ERC2: variants seen among roughly 807,000 people sequenced by gnomAD.
ERC2 encodes the protein ELKS/RAB6-interacting/CAST family member 2.
Under a neutral mutation model 114.8 loss-of-function variants are expected in ERC2, and 42 were observed. That is an observed-to-expected ratio of 0.37 (90% CI 0.29 to 0.47). ERC2 has a LOEUF of 0.47. ERC2 is among the 20% of genes least tolerant of loss of function. The pLI is 0.99. For missense variants in ERC2, 939 were observed against 1,150.7 expected (o/e 0.82, Z 2.66); for synonymous variants, 454 against 425.5 (o/e 1.07, Z -0.82).
chr3:56,167,979 C>A (rs1255620533), intron 4 of ERC2, among the ~76,000 whole-genome samples: 1 of 152,136 alleles, frequency 6.6e-6, no homozygotes, highest in Non-Finnish European at 1.5e-5. Context: ...CTGCCTCTAC[C>A]CATTCTAGGA....
At chr3:56,159,186 T>C (rs1564906) in intron 4 of ERC2, among the ~76,000 whole-genome samples, 139,143 of 152,178 alleles carry the variant, frequency 0.91, 64,064 homozygotes, top group East Asian at 1. Flanking sequence ...TGAGGCCTCC[T>C]CAGAAGCCAA....
chr3:56,153,124 T>C (rs2081515604), intron 4 of ERC2, among the ~76,000 whole-genome samples: 1 of 152,174 alleles, frequency 6.6e-6, no homozygotes, highest in South Asian at 2.1e-4. Flanking sequence ...TGCTATAGAT[T>C]AATAGTAAAC....
chr3:56,169,902 T>C (rs1322048533), intron 4 of ERC2, among the ~76,000 whole-genome samples: 1 of 149,938 alleles, frequency 6.7e-6, no homozygotes, highest in African/African-American at 2.4e-5. Context: ...ATAATAAAAA[T>C]AAGTTACACA....
At chr3:55,524,576 C>G (rs1236770004) in intron 17 of ERC2, among the ~76,000 whole-genome samples, 1 of 148,816 alleles carries the variant, frequency 6.7e-6, no homozygotes, top group Non-Finnish European at 1.5e-5. Flanking sequence ...AGGTACAAAC[C>G]TGGACAGGAA....
chr3:56,047,815 G>C (rs769398336), intron 7 of ERC2, among the ~76,000 whole-genome samples: 5 of 152,112 alleles, frequency 3.3e-5, no homozygotes, highest in Non-Finnish European at 5.9e-5. Flanking sequence ...CTGGCAAGAG[G>C]GGCCACTTGC....
chr3:56,192,094 A>G (rs1429538519), intron 3 of ERC2, among the ~76,000 whole-genome samples: 1 of 152,180 alleles, frequency 6.6e-6, no homozygotes, highest in East Asian at 1.9e-4. Context: ...AAATAACACA[A>G]TTCAGATTCA....
chr3:55,950,304 T>G (rs2067409482), intron 13 of ERC2, 121 bp downstream of exon 13: 1 of 1,262,834 alleles, frequency 7.9e-7, no homozygotes, highest in Non-Finnish European at 1.1e-6. Context: ...CTGTTAGTGC[T>G]AGACTCAGGG....
At chr3:56,306,886 C>A (rs2056259210) in intron 2 of ERC2, among the ~76,000 whole-genome samples, 1 of 152,168 alleles carries the variant, frequency 6.6e-6, no homozygotes, top group Non-Finnish European at 1.5e-5. Flanking sequence ...AACAGGGATG[C>A]AAGACCTACC....
chr3:55,588,657 C>A (rs764635353), intron 17 of ERC2, among the ~76,000 whole-genome samples: 1 of 152,094 alleles, frequency 6.6e-6, no homozygotes, highest in Non-Finnish European at 1.5e-5. Context: ...TGAGTGTGAT[C>A]GAAGAAAACT....
In ERC2 at chr3:55,909,234, C is replaced by T. The variant is rs574591301; in HGVS notation, c.2404-20685G>A. On this transcript the variant is annotated intron_variant, in intron 13 of 17. Coordinates refer to ENST00000288221, the MANE Select transcript of ERC2 (RefSeq NM_015576.3). Reference sequence around the variant, plus strand: ...CGGTGCTGCACTTCTTTCACAATGGCGTCTGAAATTATGTGTTGGTATAAC... The same window carrying T: ...CGGTGCTGCACTTCTTTCACAATGGTGTCTGAAATTATGTGTTGGTATAAC... Among the ~76,000 whole-genome samples, 12 of 152,280 alleles carry T rather than the reference C, an allele frequency of 7.9e-5. No individual in the cohort carries two copies. In the South Asian group the frequency reaches 1.0e-3, roughly 13 times the overall value.
chr3:55,835,020 G>A (rs1178750438), intron 14 of ERC2, among the ~76,000 whole-genome samples: 2 of 151,298 alleles, frequency 1.3e-5, no homozygotes, highest in East Asian at 1.9e-4. Flanking sequence ...TAAATTCCTC[G>A]ACACATACAC....
intron 10 of ERC2, among the ~76,000 whole-genome samples, chr3:55,997,345 C>T (rs1196275336): frequency 6.6e-6 from 1 of 151,874 alleles, no homozygotes; most frequent in African/African-American, 2.4e-5. Context: ...CTTTAATATT[C>T]CTTTCATATC....
At chr3:56,348,541 T>C (rs2058397369) in intron 2 of ERC2, among the ~76,000 whole-genome samples, 1 of 148,802 alleles carries the variant, frequency 6.7e-6, no homozygotes, top group Non-Finnish European at 1.5e-5. Flanking sequence ...TAATATTTAA[T>C]AATTATGTAT....
intron 10 of ERC2, among the ~76,000 whole-genome samples, chr3:55,997,056 A>T (rs2071572628): frequency 1.3e-5 from 2 of 152,228 alleles, no homozygotes; most frequent in Non-Finnish European, 1.5e-5. Context: ...TTTGGTCCAG[A>T]AACCTGCTGT....
chr3:56,067,061 T>A (rs1441278229), intron 7 of ERC2, among the ~76,000 whole-genome samples: 1 of 152,182 alleles, frequency 6.6e-6, no homozygotes, highest in African/African-American at 2.4e-5. Context: ...TCCAGATGAA[T>A]TTTAAAGTAT....
At chr3:55,790,993 C>T (rs910142091) in intron 14 of ERC2, among the ~76,000 whole-genome samples, 1 of 152,216 alleles carries the variant, frequency 6.6e-6, no homozygotes, top group Non-Finnish European at 1.5e-5. Context: ...GGTAACCCAC[C>T]TGGGCCTCAG....
intron 6 of ERC2, among the ~76,000 whole-genome samples, chr3:56,095,569 G>A (rs547803099): frequency 6.6e-6 from 1 of 152,272 alleles, no homozygotes; most frequent in African/African-American, 2.4e-5. Flanking sequence ...AATGAAAAGA[G>A]TTTATTAAAT....
chr3:56,429,682 C>T (rs754808748), intron 2 of ERC2, among the ~76,000 whole-genome samples: 6 of 152,144 alleles, frequency 3.9e-5, no homozygotes, highest in South Asian at 2.1e-4. Flanking sequence ...CATGTAGAGC[C>T]GCGTGGCTGA....
At chr3:56,424,106 T>C (rs913578344) in intron 2 of ERC2, among the ~76,000 whole-genome samples, 1 of 152,246 alleles carries the variant, frequency 6.6e-6, no homozygotes, top group African/African-American at 2.4e-5. Flanking sequence ...TAGACTTGAC[T>C]CTTAAAATTC....
Sources: gnomAD v4.1 joint callset for allele counts (sites outside exome capture counted in the v4.1 genomes callset) on GRCh38, gnomAD v4.1.1 for gene constraint, MANE v1.5 for transcripts, NCBI Gene and HGNC (gene_info 2026-07-23, HGNC 2026-07-21) for gene names.